Variants in KDM4C observed in about 807,000 individuals in gnomAD.
KDM4C encodes the protein lysine-specific demethylase 4C.
A neutral mutation model predicts 129.3 loss-of-function variants in KDM4C; 81 were observed. The observed-to-expected ratio is 0.63, with a 90% CI of 0.52 to 0.75. KDM4C has a LOEUF of 0.75. KDM4C is among the 30% of genes least tolerant of loss of function. KDM4C has a pLI of 0.00. For synonymous variants in KDM4C, 573 were observed against 456.1 expected (o/e 1.26, Z -3.26); for missense variants, 1,457 against 1,304.0 (o/e 1.12, Z -1.81).
chr9:6,949,148 A>G (rs1827589486), intron 8 of KDM4C, among the ~76,000 whole-genome samples: 2 of 147,108 alleles, frequency 1.4e-5, no homozygotes, highest in Admixed American at 6.7e-5. Context: ...TGCTGGGCGG[A>G]GGGGCTCCTC....
At chr9:6,798,380 G>C (rs1486571142) in intron 2 of KDM4C, among the ~76,000 whole-genome samples, 3 of 152,108 alleles carry the variant, frequency 2.0e-5, no homozygotes, top group East Asian at 3.9e-4. Context: ...AAAGGTCTCT[G>C]GTTTTCCTAG....
At chr9:6,870,144 G>A (rs867257131) in intron 5 of KDM4C, among the ~76,000 whole-genome samples, 32 of 152,182 alleles carry the variant, frequency 2.1e-4, no homozygotes, top group African/African-American at 7.2e-4. Context: ...AAGTGTTTTT[G>A]TAACAAGAAC....
rs193156935 is a variant in KDM4C at position 6,847,422 on chromosome 9, G to C, written c.436-2085G>C. On this transcript the variant is annotated intron_variant, in intron 4 of 21. Coordinates refer to ENST00000381309, the MANE Select transcript of KDM4C (RefSeq NM_015061.6). The stretch of plus-strand genomic sequence containing the variant: ...TCTTTTTTTGTTTTTTTTTTGAGAC[G>C]GAGTCTTGCTCTGTCGCCCAGGCTG... Among the ~76,000 whole-genome samples the C allele has an allele frequency of 9.3e-5, 14 of 151,248 alleles. No individual in the cohort carries two copies. The East Asian group carries it at 2.7e-3, about 29-fold the overall frequency.
chr9:7,057,662 A>G (rs879468763), intron 17 of KDM4C, among the ~76,000 whole-genome samples: 1 of 152,254 alleles, frequency 6.6e-6, no homozygotes, highest in Non-Finnish European at 1.5e-5. Flanking sequence ...ACTGTTAAGA[A>G]CATAACTGTA....
intron 1 of KDM4C, among the ~76,000 whole-genome samples, chr9:6,760,506 C>G (rs747017651): frequency 3.8e-4 from 56 of 149,180 alleles, no homozygotes; most frequent in Admixed American, 1.8e-3. Context: ...TGACTGCATG[C>G]GTAAGGAGGG....
At chr9:6,933,924 A>C (rs1824223621) in intron 8 of KDM4C, among the ~76,000 whole-genome samples, 1 of 151,650 alleles carries the variant, frequency 6.6e-6, no homozygotes, top group African/African-American at 2.4e-5. Context: ...ATCTTGGCTC[A>C]TGACAATCTC....
At chr9:7,064,691 A>T (rs1464210510) in intron 17 of KDM4C, among the ~76,000 whole-genome samples, 1 of 152,182 alleles carries the variant, frequency 6.6e-6, no homozygotes, top group East Asian at 1.9e-4. Context: ...GTCCTTGTAG[A>T]CCATCTGGGT....
At chr9:7,041,771 G>A (rs573328303) in intron 15 of KDM4C, among the ~76,000 whole-genome samples, 49 of 152,054 alleles carry the variant, frequency 3.2e-4, no homozygotes, top group African/African-American at 1.2e-3. Flanking sequence ...TTTGAGGGTG[G>A]GATTAGGACT....
At chr9:7,103,537 C>T in intron 17 of KDM4C, 148 bp from the exon 18 acceptor site, 1 of 621,736 alleles carries the variant, frequency 1.6e-6, no homozygotes, top group Non-Finnish European at 2.8e-6. Context: ...GCTGTCACCA[C>T]TAGGGCCCCT....
chr9:7,043,500 TA>T (rs1006153970), intron 15 of KDM4C, among the ~76,000 whole-genome samples: 4 of 152,054 alleles, frequency 2.6e-5, no homozygotes, highest in Non-Finnish European at 5.9e-5. Flanking sequence ...AAAGAAAGGT[TA>T]AAAATTGTCT....
intron 1 of KDM4C, among the ~76,000 whole-genome samples, chr9:6,745,259 T>C (rs777341355): frequency 6.6e-6 from 1 of 152,068 alleles, no homozygotes; most frequent in African/African-American, 2.4e-5. Context: ...ATGTTGAAAA[T>C]TGTCTTCATG....
At chr9:6,747,202 A>G (rs1269586851) in intron 1 of KDM4C, among the ~76,000 whole-genome samples, 1 of 132,972 alleles carries the variant, frequency 7.5e-6, no homozygotes, top group Non-Finnish European at 1.6e-5. Context: ...CCAAAAAACC[A>G]AACCAACCAA....
At chr9:6,789,945 C>T (rs963554339) in intron 1 of KDM4C, among the ~76,000 whole-genome samples, 1 of 151,870 alleles carries the variant, frequency 6.6e-6, no homozygotes, top group African/African-American at 2.4e-5. Context: ...GTATCTCCTA[C>T]TTCCTCATGT....
chr9:6,848,296 T>C (rs1304927749), intron 4 of KDM4C, among the ~76,000 whole-genome samples: 1 of 152,256 alleles, frequency 6.6e-6, no homozygotes, highest in African/African-American at 2.4e-5. Flanking sequence ...GTCTCTGATA[T>C]TTAGAATTTG....
At chr9:6,938,686 G>A (rs961025035) in intron 8 of KDM4C, among the ~76,000 whole-genome samples, 2 of 152,122 alleles carry the variant, frequency 1.3e-5, no homozygotes, top group African/African-American at 4.8e-5. Flanking sequence ...GAAGAGTTGT[G>A]TGTGGCTTAG....
intron 17 of KDM4C, among the ~76,000 whole-genome samples, chr9:7,056,947 C>G (rs1297115265): frequency 1.3e-5 from 2 of 152,156 alleles, no homozygotes; most frequent in African/African-American, 2.4e-5. Context: ...ACCGAGGCAG[C>G]TGTTAGACAG....
chr9:6,794,352 G>T (rs1284194087), intron 2 of KDM4C, among the ~76,000 whole-genome samples: 1 of 152,220 alleles, frequency 6.6e-6, no homozygotes, highest in Admixed American at 6.5e-5. Context: ...AAGTCCAGCG[G>T]CCTGGAGGCT....
chr9:6,749,647 A>G (rs935387661), intron 1 of KDM4C, among the ~76,000 whole-genome samples: 2 of 152,048 alleles, frequency 1.3e-5, no homozygotes, highest in African/African-American at 4.8e-5. Context: ...CAGCCTGGAC[A>G]ACAGAGTGAG....
chr9:7,162,865 C>T (rs919149276), intron 19 of KDM4C, among the ~76,000 whole-genome samples: 2 of 151,902 alleles, frequency 1.3e-5, no homozygotes, highest in African/African-American at 4.8e-5. Context: ...CGAGAAGGAC[C>T]CAATAAATAG....
Sources: gnomAD v4.1 joint callset for allele counts (sites outside exome capture counted in the v4.1 genomes callset) on GRCh38, gnomAD v4.1.1 for gene constraint, MANE v1.5 for transcripts, NCBI Gene and HGNC (gene_info 2026-07-23, HGNC 2026-07-21) for gene names.